Variants in DACH2 observed in about 807,000 individuals in gnomAD.
DACH2 encodes the protein dachshund family transcription factor 2.
Under a neutral mutation model 35.8 loss-of-function variants are expected in DACH2, and 17 were observed. That is an observed-to-expected ratio of 0.48 (90% CI 0.33 to 0.71). The LOEUF is 0.71. Among genes scored for constraint, DACH2 ranks in the 30% least tolerant of loss-of-function variants. The pLI is 0.02. For missense variants in DACH2, 469 were observed against 472.7 expected, an observed-to-expected ratio of 0.99 and a Z score of 0.07; for synonymous variants, 195 against 177.3, an observed-to-expected ratio of 1.10 and a Z score of -0.79.
intron 11 of DACH2, among the ~76,000 whole-genome samples, chrX:86,819,753 C>T (rs1338169948): frequency 1.8e-5 from 2 of 111,368 alleles, no homozygotes; most frequent in Non-Finnish European, 3.8e-5. Flanking sequence ...GACCTAAAAA[C>T]CCTCTCAGTT....
At chrX:86,658,625 T>C (rs780613127) in intron 4 of DACH2, among the ~76,000 whole-genome samples, 1 of 111,727 alleles carries the variant, frequency 9.0e-6, no homozygotes, top group East Asian at 2.8e-4. Context: ...AATTAGTCTG[T>C]GTACTATTTC....
intron 3 of DACH2, among the ~76,000 whole-genome samples, chrX:86,611,509 G>T (rs753045815): frequency 1.4e-4 from 16 of 111,051 alleles, no homozygotes; most frequent in Non-Finnish European, 2.6e-4. Flanking sequence ...AGTTCTTGTG[G>T]CCTAGGCTTC....
intron 1 of DACH2, among the ~76,000 whole-genome samples, chrX:86,368,894 G>A (rs751819513): frequency 1.1e-4 from 12 of 111,052 alleles, no homozygotes; most frequent in African/African-American, 3.9e-4. Context: ...AAGGAAAAAA[G>A]CATCAAGATA....
chrX:86,546,954 C>T (rs2038983623), intron 3 of DACH2, among the ~76,000 whole-genome samples: 1 of 111,162 alleles, frequency 9.0e-6, no homozygotes. Context: ...TAATGATTAG[C>T]ACTACAAGAC....
At chrX:86,254,777 A>ATATATATATATATATAT (rs1556004208) in intron 1 of DACH2, among the ~76,000 whole-genome samples, 1 of 14,224 alleles carries the variant, frequency 7.0e-5, no homozygotes, top group Non-Finnish European at 1.4e-4. Context: ...TATTCAAATA[A>ATATATATATATATATAT]ATAAATATAT....
At chrX:86,681,389 C>G (rs73247216) in intron 4 of DACH2, among the ~76,000 whole-genome samples, 1 of 109,060 alleles carries the variant, frequency 9.2e-6, no homozygotes, top group Non-Finnish European at 1.9e-5. Context: ...AGGATCAGCC[C>G]GGGAAACAGT....
chrX:86,194,913 C>A (rs1456220821), intron 1 of DACH2, among the ~76,000 whole-genome samples: 2 of 112,553 alleles, frequency 1.8e-5, no homozygotes, highest in Non-Finnish European at 3.8e-5. Flanking sequence ...GCTGGCCTCT[C>A]CCGGGGCCCC....
chrX:86,213,395 T>C (rs760808602), intron 1 of DACH2, among the ~76,000 whole-genome samples: 31 of 111,548 alleles, frequency 2.8e-4, no homozygotes, highest in Non-Finnish European at 5.7e-4. Flanking sequence ...ATTTGGTTCA[T>C]CTTTCTAAAT....
At chrX:86,361,132 C>T (rs1254190693) in intron 1 of DACH2, among the ~76,000 whole-genome samples, 2 of 111,345 alleles carry the variant, frequency 1.8e-5, no homozygotes, top group East Asian at 5.7e-4. Context: ...GCTTTTATAG[C>T]ATTTTTTTCA....
At chrX:86,413,005 G>A (rs910513226) in intron 2 of DACH2, among the ~76,000 whole-genome samples, 1 of 111,614 alleles carries the variant, frequency 9.0e-6, no homozygotes, top group African/African-American at 3.3e-5. Context: ...TTGGTTGTAG[G>A]AGAGGCCAAA....
At chrX:86,382,191 C>T (rs1403157233) in intron 2 of DACH2, among the ~76,000 whole-genome samples, 6 of 108,757 alleles carry the variant, frequency 5.5e-5, no homozygotes, top group Non-Finnish European at 1.2e-4. Context: ...TCAGGAGGTC[C>T]TGAGACACGT....
Position 86,516,596 on chromosome X carries a change from CT to C in DACH2, c.640+2215del, listed in dbSNP as rs751012398. On this transcript the variant is annotated intron_variant, in intron 3 of 11. Coordinates refer to ENST00000373125, the MANE Select transcript of DACH2 (RefSeq NM_053281.3). ...GCAAGTGAGTGGCAGAACTGAGTTT[CT>C]TTTTTTTTTAATTTTATTTAGTTTA... Among the ~76,000 whole-genome samples, 348 of 104,015 alleles carry C rather than the reference CT, an allele frequency of 3.3e-3. 1 individual carries two copies. Among genetic ancestry groups the C allele is most frequent in the African/African-American group, 0.011 (299 of 28,339 alleles). The allele number at this position is 104,015 out of a possible 115,157, so 90.3% of individuals were successfully genotyped here. A position where few individuals can be genotyped will look rare whatever the true frequency, so the allele number is the denominator to read the frequency against.
At chrX:86,607,684 G>T (rs776621691) in intron 3 of DACH2, among the ~76,000 whole-genome samples, 1 of 104,393 alleles carries the variant, frequency 9.6e-6, no homozygotes, top group African/African-American at 3.5e-5. Flanking sequence ...ATGCTGGTGC[G>T]CTGCACCCAC....
chrX:86,200,237 G>GAAGA (rs2032114162), intron 1 of DACH2, among the ~76,000 whole-genome samples: 1 of 111,274 alleles, frequency 9.0e-6, no homozygotes, highest in Non-Finnish European at 1.9e-5. Context: ...TAACTGGCTA[G>GAAGA]AAGACTGAAG....
chrX:86,205,912 C>T (rs1423082119), intron 1 of DACH2, among the ~76,000 whole-genome samples: 1 of 110,962 alleles, frequency 9.0e-6, no homozygotes, highest in Non-Finnish European at 1.9e-5. Flanking sequence ...TGAGTTATAA[C>T]CTATTACCTA....
intron 2 of DACH2, among the ~76,000 whole-genome samples, chrX:86,436,180 C>T (rs187826047): frequency 7.5e-4 from 83 of 110,766 alleles, no homozygotes; most frequent in Non-Finnish European, 1.3e-3. Flanking sequence ...CCTGAAATCT[C>T]TATTAAAAAA....
At chrX:86,544,280 G>T in intron 3 of DACH2, among the ~76,000 whole-genome samples, 1 of 110,646 alleles carries the variant, frequency 9.0e-6, no homozygotes, top group Non-Finnish European at 1.9e-5. Flanking sequence ...TCAAATTCAG[G>T]AAATTGAGAG....
intron 2 of DACH2, among the ~76,000 whole-genome samples, chrX:86,441,204 A>G (rs1258267013): frequency 9.0e-6 from 1 of 111,107 alleles, no homozygotes; most frequent in Non-Finnish European, 1.9e-5. Context: ...TCAATATTAG[A>G]TCTTATTCAT....
intron 6 of DACH2, among the ~76,000 whole-genome samples, chrX:86,719,957 T>C (rs1158017359): frequency 1.0e-5 from 1 of 100,427 alleles, no homozygotes; most frequent in Non-Finnish European, 2.0e-5. Flanking sequence ...TTTTTTTTTT[T>C]AGATGGAGTC....
Sources: allele counts gnomAD v4.1 joint callset (sites outside exome capture counted in the v4.1 genomes callset), GRCh38; gene constraint gnomAD v4.1.1; transcripts MANE v1.5; gene names NCBI Gene and HGNC (gene_info 2026-07-23, HGNC 2026-07-21).